The following PRELID2 variants were observed in gnomAD, a reference collection of about 807,000 sequenced individuals.
PRELID2 encodes PRELI domain-containing protein 2.
Under a neutral mutation model 28.4 loss-of-function variants are expected in PRELID2, and 25 were observed. The observed-to-expected ratio is 0.88, with a 90% confidence interval of 0.64 to 1.23. The LOEUF (loss-of-function observed/expected upper bound fraction) is 1.23, where lower values mean the gene tolerates loss of function less well. Ranked by LOEUF, PRELID2 falls within the 50% of genes most tolerant of loss-of-function variation. The pLI, the probability that PRELID2 is intolerant of heterozygous loss-of-function variation, is 0.00. For missense variants in PRELID2, 201 were observed against 214.4 expected, an observed-to-expected ratio of 0.94 and a Z score of 0.39; for synonymous variants, 76 against 71.6, an observed-to-expected ratio of 1.06 and a Z score of -0.31.
chr5:145,354,494 T>A, the PRELID2 span, among the ~76,000 whole-genome samples: 2 of 152,204 alleles, frequency 1.3e-5, no homozygotes, highest in Non-Finnish European at 2.9e-5. Flanking sequence ...TTTGCTAGTT[T>A]ACTGATTCCT....
At chr5:145,408,312 T>C in the PRELID2 span, among the ~76,000 whole-genome samples, 2 of 150,762 alleles carry the variant, frequency 1.3e-5, no homozygotes, top group African/African-American at 4.9e-5. Context: ...AATCTCTAAA[T>C]TGCCAGGTAA....
At chr5:145,817,351 AAGT>A (rs1196617547) in intron 4 of PRELID2, among the ~76,000 whole-genome samples, 1 of 143,416 alleles carries the variant, frequency 7.0e-6, no homozygotes, top group African/African-American at 2.5e-5. Context: ...TCTATCAAAA[AAGT>A]AGTAGCTACA....
chr5:145,367,458 A>G, the PRELID2 span, among the ~76,000 whole-genome samples: 1 of 151,916 alleles, frequency 6.6e-6, no homozygotes, highest in Non-Finnish European at 1.5e-5. Context: ...CTGATACATC[A>G]TAATTACCCA....
intron 1 of PRELID2, among the ~76,000 whole-genome samples, chr5:145,510,203 A>G (rs1172021373): frequency 6.6e-6 from 1 of 152,214 alleles, no homozygotes; most frequent in Admixed American, 6.5e-5. Context: ...AATGCTGTTG[A>G]CACGTGTTCA....
the PRELID2 span, among the ~76,000 whole-genome samples, chr5:145,457,686 C>G: frequency 5.9e-5 from 9 of 152,176 alleles, no homozygotes; most frequent in Non-Finnish European, 1.2e-4. Context: ...GAGTGTCTCA[C>G]TTTTCTACCT....
chr5:145,349,602 C>T, the PRELID2 span, among the ~76,000 whole-genome samples: 2 of 151,980 alleles, frequency 1.3e-5, no homozygotes, highest in Non-Finnish European at 2.9e-5. Flanking sequence ...TCTTCCCACT[C>T]CACATATACA....
chr5:145,817,198 AATAAATAAATAAAT>A lies in PRELID2; in HGVS notation c.368+682_368+695del, dbSNP rs1371315761. ...AGAGCAAGACTGCATTTCAAAAAAA[AATAAATAAATAAAT>A]AAAAAAAAATATATATATATATATA... On this transcript the variant is annotated intron_variant, in intron 4 of 6. Coordinates refer to ENST00000683046, the MANE Select transcript of PRELID2 (RefSeq NM_205846.3). 1.4e-3 allele frequency among the ~76,000 whole-genome samples: 100 copies of A among 69,972 alleles called. 2 individuals are homozygous for A. The highest frequency in any genetic ancestry group is 2.2e-3 in the African/African-American group (51 of 23,470). The allele number at this position is 69,972 out of a possible 152,430, so 45.9% of individuals were successfully genotyped here.
At chr5:145,433,521 G>A in the PRELID2 span, among the ~76,000 whole-genome samples, 1 of 152,030 alleles carries the variant, frequency 6.6e-6, no homozygotes, top group African/African-American at 2.4e-5. Flanking sequence ...TCTTCACCTG[G>A]GCATCGTCAG....
At chr5:145,728,074 T>C (rs1380192682) in intron 1 of PRELID2, among the ~76,000 whole-genome samples, 1 of 152,210 alleles carries the variant, frequency 6.6e-6, no homozygotes, top group Non-Finnish European at 1.5e-5. Flanking sequence ...TTCCTGTCTG[T>C]CCCTGCAAAT....
the PRELID2 span, among the ~76,000 whole-genome samples, chr5:145,293,640 T>A: frequency 6.6e-6 from 1 of 152,192 alleles, no homozygotes. Context: ...GATATTAAGG[T>A]ATTTTCTCAT....
At chr5:145,831,288 G>A (rs1455901471) in intron 1 of PRELID2, among the ~76,000 whole-genome samples, 1 of 152,170 alleles carries the variant, frequency 6.6e-6, no homozygotes, top group Non-Finnish European at 1.5e-5. Flanking sequence ...CTGGTCAAGT[G>A]GGCCTGTGGG....
At chr5:145,661,627 G>A (rs1581035732) in intron 1 of PRELID2, among the ~76,000 whole-genome samples, 1 of 145,068 alleles carries the variant, frequency 6.9e-6, no homozygotes, top group South Asian at 2.2e-4. Context: ...GATTCACACC[G>A]TGGACATGAT....
chr5:145,288,053 G>A, the PRELID2 span, among the ~76,000 whole-genome samples: 2 of 152,096 alleles, frequency 1.3e-5, no homozygotes, highest in Non-Finnish European at 2.9e-5. Context: ...CATATCCAGA[G>A]TATATGCTGT....
the PRELID2 span, among the ~76,000 whole-genome samples, chr5:145,402,577 T>C: frequency 5.9e-5 from 9 of 152,180 alleles, no homozygotes; most frequent in Non-Finnish European, 1.2e-4. Flanking sequence ...CTTTTCCAAT[T>C]CTCACTGGGT....
At chr5:145,830,506 A>G (rs565761753) in intron 1 of PRELID2, among the ~76,000 whole-genome samples, 3 of 152,350 alleles carry the variant, frequency 2.0e-5, no homozygotes, top group African/African-American at 7.2e-5. Flanking sequence ...ACATTCATCT[A>G]TGCAACTTTG....
chr5:145,792,474 G>A (rs1424017319), intron 5 of PRELID2, among the ~76,000 whole-genome samples: 1 of 152,162 alleles, frequency 6.6e-6, no homozygotes, highest in East Asian at 1.9e-4. Context: ...ACCAAACAAG[G>A]CTCAATAAAT....
At chr5:145,318,940 G>C in the PRELID2 span, among the ~76,000 whole-genome samples, 2 of 152,214 alleles carry the variant, frequency 1.3e-5, no homozygotes, top group East Asian at 3.9e-4. Flanking sequence ...AGCTGGAAAG[G>C]GGATAGAATG....
At chr5:145,659,914 G>A (rs1435382341) in intron 1 of PRELID2, among the ~76,000 whole-genome samples, 1 of 152,156 alleles carries the variant, frequency 6.6e-6, no homozygotes, top group Admixed American at 6.5e-5. Flanking sequence ...GAAAAGGGTA[G>A]CAGGAGAGTA....
At chr5:145,552,009 C>T (rs987982858) in intron 1 of PRELID2, among the ~76,000 whole-genome samples, 1 of 152,118 alleles carries the variant, frequency 6.6e-6, no homozygotes, top group Non-Finnish European at 1.5e-5. Context: ...CTCACTGAAA[C>T]ACACCATGCA....
Sources: allele counts gnomAD v4.1 joint callset (sites outside exome capture counted in the v4.1 genomes callset), GRCh38; gene constraint gnomAD v4.1.1; transcripts MANE v1.5; gene names NCBI Gene and HGNC (gene_info 2026-07-23, HGNC 2026-07-21).